TRMT9B: variants seen among roughly 807,000 people sequenced by gnomAD.
TRMT9B encodes probable tRNA methyltransferase 9B.
A neutral mutation model predicts 11.5 loss-of-function variants in TRMT9B; 16 were observed. The observed-to-expected ratio is 1.39, with a 90% CI of 0.94 to 2.11. The LOEUF (loss-of-function observed/expected upper bound fraction) is 2.11. TRMT9B is among the 30% of genes most tolerant of loss of function. The probability of loss-of-function intolerance (pLI) is 0.00; values close to 1 mark genes in which losing one functional copy is unlikely to be tolerated. For synonymous variants in TRMT9B, 274 were observed against 192.4 expected (o/e 1.42, Z -3.51); for missense variants, 941 against 553.8 (o/e 1.70, Z -7.02).
chr8:13,011,017 T>C, intron 3 of TRMT9B: 1 of 756,832 alleles, frequency 1.3e-6, no homozygotes, highest in Non-Finnish European at 1.6e-6. Flanking sequence ...AATCTAACTC[T>C]GTCATCACCT....
intron 2 of TRMT9B, among the ~76,000 whole-genome samples, chr8:12,991,887 C>T (rs376778095): frequency 3.5e-4 from 54 of 152,232 alleles, no homozygotes; most frequent in East Asian, 3.1e-3. Context: ...GCCGAGATTG[C>T]GCCACTGCAC....
chr8:12,997,769 G>C (rs1808628710), intron 2 of TRMT9B, among the ~76,000 whole-genome samples: 1 of 152,174 alleles, frequency 6.6e-6, no homozygotes, highest in South Asian at 2.1e-4. Context: ...ACTTTTAAGA[G>C]TGGGGTTGCT....
chr8:13,026,814 C>A lies in TRMT9B; in HGVS notation c.*4770C>A, dbSNP rs1174575199. 1 of 167,070 alleles carries A rather than the reference C, an allele frequency of 6.0e-6. No homozygotes were observed. The highest frequency in any genetic ancestry group is 1.5e-5 in the Non-Finnish European group (1 of 68,118). 10.3% of individuals were successfully genotyped at this position (167,070 alleles called of 1,614,324 possible). A position where few individuals can be genotyped will look rare whatever the true frequency, so the allele number is the denominator to read the frequency against. On this transcript the variant is annotated 3_prime_UTR_variant, in exon 5 of 5. Coordinates refer to ENST00000524591, the MANE Select transcript of TRMT9B (RefSeq NM_020844.3). ...TATACTCCCACCCCTGGGCCCAGCT[C>A]ATGTGCTTGGCGGAGTATTAGAGCC... is the stretch of plus-strand genomic sequence containing the variant.
Position 12,950,044 on chromosome 8 carries a change from A to T in TRMT9B, c.-200+4078A>T, listed in dbSNP as rs2128855346. On this transcript the variant is annotated intron_variant, in intron 1 of 4. Transcript: ENST00000524591. ...ATGTTTTGTATTTCTTTCAGAAATGAGGTTTCACTATGTTGCCCAAGCTGG... is the reference window on the plus strand; with the variant it reads ...ATGTTTTGTATTTCTTTCAGAAATGTGGTTTCACTATGTTGCCCAAGCTGG... 1.3e-5 allele frequency among the ~76,000 whole-genome samples: 2 copies of T among 152,138 alleles called. 1 individual carries two copies. The highest frequency in any genetic ancestry group is 6.8e-3 in the Middle Eastern group (2 of 294).
At chr8:12,966,227 G>T (rs1802804579) in intron 1 of TRMT9B, among the ~76,000 whole-genome samples, 1 of 152,038 alleles carries the variant, frequency 6.6e-6, no homozygotes, top group African/African-American at 2.4e-5. Flanking sequence ...CAGCTACTCA[G>T]TAGCTACTGC....
chr8:12,973,667 G>A (rs1803975230), intron 1 of TRMT9B, among the ~76,000 whole-genome samples: 1 of 152,092 alleles, frequency 6.6e-6, no homozygotes, highest in African/African-American at 2.4e-5. Context: ...GGATGACATG[G>A]AACTGTCATA....
At chr8:12,952,981 G>C (rs894296652) in intron 1 of TRMT9B, among the ~76,000 whole-genome samples, 3 of 152,002 alleles carry the variant, frequency 2.0e-5, no homozygotes, top group African/African-American at 4.8e-5. Context: ...CTCGTGATCC[G>C]CCTGCCTCGG....
At chr8:13,006,132 G>A in intron 2 of TRMT9B, 70 bp from the exon 3 acceptor site, 2 of 1,464,502 alleles carry the variant, frequency 1.4e-6, no homozygotes, top group Non-Finnish European at 1.9e-6. Flanking sequence ...TAGGAAATCT[G>A]CATCCTCCTT....
intron 2 of TRMT9B, among the ~76,000 whole-genome samples, chr8:12,993,605 AG>A (rs1333954243): frequency 6.6e-6 from 1 of 152,192 alleles, no homozygotes; most frequent in Non-Finnish European, 1.5e-5. Flanking sequence ...AAAGACAGAA[AG>A]GGGGCAAAGG....
chr8:12,971,551 T>C (rs961252855), intron 1 of TRMT9B, among the ~76,000 whole-genome samples: 2 of 152,238 alleles, frequency 1.3e-5, no homozygotes, highest in Admixed American at 6.5e-5. Flanking sequence ...CGATATCCAG[T>C]ATACAGTTGA....
intron 2 of TRMT9B, among the ~76,000 whole-genome samples, chr8:13,000,110 G>A (rs1376930411): frequency 2.6e-5 from 4 of 152,096 alleles, no homozygotes; most frequent in African/African-American, 7.2e-5. Flanking sequence ...GAGTTCTGAG[G>A]GACCCAGGCT....
At chr8:13,006,513 T>A (rs545004938) in intron 3 of TRMT9B, 157 bp downstream of exon 3, 5 of 1,461,380 alleles carry the variant, frequency 3.4e-6, no homozygotes, top group Non-Finnish European at 4.5e-6. Flanking sequence ...ATACCTTCCA[T>A]TGAGCCTTTG....
chr8:12,980,203 C>G (rs1248798652), intron 1 of TRMT9B, among the ~76,000 whole-genome samples: 1 of 152,096 alleles, frequency 6.6e-6, no homozygotes, highest in Non-Finnish European at 1.5e-5. Flanking sequence ...CCTTTGAATT[C>G]TCCACAGGAA....
At chr8:12,961,011 C>T (rs573027279) in intron 1 of TRMT9B, among the ~76,000 whole-genome samples, 1 of 151,886 alleles carries the variant, frequency 6.6e-6, no homozygotes. Context: ...CGTGATGGTG[C>T]GTGCCTGTAG....
chr8:13,006,546 T>C (rs1810515473), intron 3 of TRMT9B, 190 bp downstream of exon 3: 1 of 1,432,760 alleles, frequency 7.0e-7, no homozygotes, highest in African/African-American at 1.4e-5. Flanking sequence ...ATTTTTCATT[T>C]TTGTTCTAAT....
rs1413654950 is a variant in TRMT9B at position 13,025,164 on chromosome 8, A to C, written c.*3120A>C. The C allele has an allele frequency of 6.0e-6, 1 of 167,036 alleles. No individual in the cohort carries two copies. Among genetic ancestry groups the C allele is most frequent in the Non-Finnish European group, 1.5e-5 (1 of 68,168 alleles). 10.3% of individuals were successfully genotyped at this position (167,036 alleles called of 1,614,324 possible). On this transcript the variant is annotated 3_prime_UTR_variant, in exon 5 of 5. Coordinates refer to ENST00000524591, the MANE Select transcript of TRMT9B (RefSeq NM_020844.3). ...TTCTTCTTTACTTACTGGCATCAGC[A>C]CAGAGTCCCACTATCTGAAATAGAA...
intron 2 of TRMT9B, among the ~76,000 whole-genome samples, chr8:12,992,087 G>A (rs1262289318): frequency 6.6e-6 from 1 of 152,184 alleles, no homozygotes; most frequent in Non-Finnish European, 1.5e-5. Context: ...CTTGTACAGA[G>A]TAAAGTATTG....
At chr8:12,993,974 C>T (rs1807869214) in intron 2 of TRMT9B, among the ~76,000 whole-genome samples, 2 of 152,182 alleles carry the variant, frequency 1.3e-5, no homozygotes, top group South Asian at 4.1e-4. Context: ...AGGATCTTTT[C>T]TTCAGGGCTG....
At chr8:13,006,778 C>A (rs1350413861) in intron 3 of TRMT9B, 2 of 556,884 alleles carry the variant, frequency 3.6e-6, no homozygotes, top group East Asian at 4.9e-5. Context: ...AACTGATTCT[C>A]CTGCCTCAGA....
Sources: gnomAD v4.1 joint callset for allele counts (sites outside exome capture counted in the v4.1 genomes callset) on GRCh38, gnomAD v4.1.1 for gene constraint, MANE v1.5 for transcripts, NCBI Gene and HGNC (gene_info 2026-07-23, HGNC 2026-07-21) for gene names.